The following C2 variants were observed in gnomAD, a reference collection of about 807,000 sequenced individuals.
C2 encodes the protein C3/C5 convertase.
A neutral mutation model predicts 85.2 loss-of-function variants in C2; 64 were observed. The ratio of observed to expected loss-of-function variants is 0.75; its 90% CI spans 0.61 to 0.92. C2 has a LOEUF of 0.92. Ranked by LOEUF, C2 falls within the 40% of genes least tolerant of loss-of-function variation. The pLI is 0.00. For synonymous variants in C2, 311 were observed against 370.8 expected (o/e 0.84, Z 1.85); for missense variants, 820 against 971.6 (o/e 0.84, Z 2.07).
Position 31,944,372 on chromosome 6 carries a change from G to A in C2, c.1902+146G>A. ...TCACAAACCTGCTAGGTGTCCCTGG[G>A]TCTGCTTATTCTTTTTTTGTTGTTA... On this transcript the variant is annotated intron_variant, in intron 15 of 17. Coordinates refer to ENST00000299367, the MANE Select transcript of C2 (RefSeq NM_000063.6). The surrounding 1 kb of genome is among the most constrained non-coding windows in gnomAD (Gnocchi z 5.1). 1.4e-6 allele frequency: 1 copy of A among 697,252 alleles called. No homozygotes were observed. The highest frequency in any genetic ancestry group is 2.6e-6 in the Non-Finnish European group (1 of 386,024). The allele number at this position is 697,252 out of a possible 1,614,324, so 43.2% of individuals were successfully genotyped here.
chr6:31,911,260 C>T (rs1768078709), intron 1 of C2, among the ~76,000 whole-genome samples: 1 of 151,882 alleles, frequency 6.6e-6, no homozygotes, highest in Non-Finnish European at 1.5e-5. Context: ...GATGGCGCCA[C>T]TGCACTCCAG....
Position 31,933,961 on chromosome 6 carries a change from A to C in C2, c.711A>C (p.Thr237=). Residue 237 remains threonine, a synonymous_variant, in exon 5 of 18, where the codon ACA becomes ACC. Transcript: ENST00000299367. ...MLGATNPTQK[T]KESLGRKIQI... is the part of the protein sequence containing the mutation. ...GGGCCACCAATCCCACCCAGAAGAC[A>C]AAGGGTGAGTGTTTGAGGTGGGGTT... 3 of 1,612,678 alleles carry C rather than the reference A, an allele frequency of 1.9e-6. No individual in the cohort carries two copies. In the South Asian group the frequency reaches 3.3e-5, roughly 18 times the overall value.
chr6:31,902,901 A>G (rs1347393893), intron 1 of C2, among the ~76,000 whole-genome samples: 1 of 152,204 alleles, frequency 6.6e-6, no homozygotes. Flanking sequence ...TTATGTTAGT[A>G]TGATTCTACT....
At position 31,937,322 on chromosome 6, in the gene C2, A is replaced by G. The variant is rs1474958669; in HGVS notation, c.992A>G (p.His331Arg). Residue 331 changes from histidine to arginine, a missense_variant, in exon 8 of 18, where the codon CAT becomes CGT. Physicochemically the swap from His to Arg is conservative, Grantham distance 29 (BLOSUM62 0). Coordinates refer to ENST00000299367, the MANE Select transcript of C2 (RefSeq NM_000063.6). Reference sequence around the variant, plus strand: ...CCTTCCTTTTGGCATATTCCAGATCATGAAAATGGAACTGGGACTAACACC... The same window carrying G: ...CCTTCCTTTTGGCATATTCCAGATCGTGAAAATGGAACTGGGACTAACACC... ...SSLENANYKD[H>R]ENGTGTNTYA... is the part of the protein sequence containing the mutation. The G allele has an allele frequency of 1.9e-6, 3 of 1,612,962 alleles. No homozygotes were observed. Among genetic ancestry groups the G allele is most frequent in the Admixed American group, 1.7e-5 (1 of 60,002 alleles).
At chr6:31,936,935 G>A (rs1470093394) in intron 7 of C2, 2 of 223,380 alleles carry the variant, frequency 9.0e-6, no homozygotes, top group Non-Finnish European at 1.8e-5. Context: ...TCCAGGCCGG[G>A]TGCAGTGGCT....
At position 31,943,109 on chromosome 6, in the gene C2, C is replaced by T; in HGVS notation, c.1360+10C>T. The T allele has an allele frequency of 1.9e-6, 3 of 1,612,978 alleles. No homozygotes were observed. The highest frequency in any genetic ancestry group is 2.2e-5 in the East Asian group (1 of 44,880). On this transcript the variant is annotated intron_variant, in intron 10 of 17. Coordinates refer to ENST00000299367, the MANE Select transcript of C2 (RefSeq NM_000063.6). This position sits in a 1 kb window ranked among gnomAD's most constrained non-coding sequence, Gnocchi z 6.4. ...TTTGAACATATGCTGGGTGAGTGAG[C>T]TTTGCCCTCCTTGGTGTGGGGAGGA...
Position 31,927,803 on chromosome 6 carries a change from G to A in C2, c.46+5G>A. On this transcript the variant is annotated splice_donor_5th_base_variant and intron_variant, in intron 1 of 17. Transcript: ENST00000299367. The surrounding 1 kb of genome is among the most constrained non-coding windows in gnomAD (Gnocchi z 4.7). ...GCCTGCTGTTCCTGTACCCAGGTAGGAGGCAGGGAAGGGGGAACGTCAGGG... is the reference window on the plus strand; with the variant it reads ...GCCTGCTGTTCCTGTACCCAGGTAGAAGGCAGGGAAGGGGGAACGTCAGGG... 1 of 1,613,860 alleles carries A rather than the reference G, an allele frequency of 6.2e-7. No individual in the cohort carries two copies. The highest frequency in any genetic ancestry group is 8.5e-7 in the Non-Finnish European group (1 of 1,179,820).
upstream of C2, among the ~76,000 whole-genome samples, chr6:31,927,017 T>G (rs1326536189): frequency 1.3e-5 from 2 of 152,334 alleles, no homozygotes; most frequent in East Asian, 3.9e-4. The surrounding 1 kb of genome is among the most constrained non-coding windows in gnomAD (Gnocchi z 4.7). Flanking sequence ...CAAATGTATT[T>G]ACTTTGCCAG....
Position 31,921,777 on chromosome 6 carries a change from C to T in C2, c.-100+1751C>T, listed in dbSNP as rs1768988588. 6.6e-6 allele frequency among the ~76,000 whole-genome samples: 1 copy of T among 152,162 alleles called. No individual in the cohort carries two copies. The highest frequency in any genetic ancestry group is 6.5e-5 in the Admixed American group (1 of 15,282). On this transcript the variant is annotated intron_variant, in intron 1 of 3. Transcript: ENST00000413154. The surrounding 1 kb of genome is among the most constrained non-coding windows in gnomAD (Gnocchi z 4.6). Reference sequence around the variant, plus strand: ...TACATTTAAGACTTAAAAATACTGTCTGGCACTATGTCCTGCTAATATGAA... The same window carrying T: ...TACATTTAAGACTTAAAAATACTGTTTGGCACTATGTCCTGCTAATATGAA...
chr6:31,926,611 C>T (rs568222503), upstream of C2, among the ~76,000 whole-genome samples: 79 of 151,696 alleles, frequency 5.2e-4, no homozygotes, highest in South Asian at 0.013. Context: ...GGATTACAGG[C>T]GTGAGTCACT....
intron 3 of C2, among the ~76,000 whole-genome samples, chr6:31,930,103 C>CGGAA (rs1408868253): frequency 6.8e-6 from 1 of 146,582 alleles, no homozygotes; most frequent in Non-Finnish European, 1.5e-5. Context: ...TTTTTTGAGA[C>CGGAA]GGAGTCTAGC....
In C2 at chr6:31,920,862, G is replaced by A. The variant is rs1416520599; in HGVS notation, c.-100+836G>A. 6.6e-6 allele frequency among the ~76,000 whole-genome samples: 1 copy of A among 152,190 alleles called. No individual in the cohort carries two copies. The highest frequency in any genetic ancestry group is 1.5e-5 in the Non-Finnish European group (1 of 68,030). Reference sequence around the variant, plus strand: ...CATTCTCAGGAATTGTTTGTGCAATGGATGGACAAGGACAGGAGGTTCAGT... The same window carrying A: ...CATTCTCAGGAATTGTTTGTGCAATAGATGGACAAGGACAGGAGGTTCAGT... On this transcript the variant is annotated intron_variant, in intron 1 of 3. Coordinates refer to the C2 transcript ENST00000413154. The surrounding 1 kb of genome is among the most constrained non-coding windows in gnomAD (Gnocchi z 5.6).
upstream of C2, among the ~76,000 whole-genome samples, chr6:31,923,710 C>G (rs667340): frequency 0.073 from 10,971 of 151,194 alleles, 432 homozygotes; most frequent in African/African-American, 0.11. Context: ...AGGATGGTCT[C>G]GATCTCCTGA....
At chr6:31,929,918 A>C (rs1475301017) in intron 3 of C2, among the ~76,000 whole-genome samples, 2 of 149,898 alleles carry the variant, frequency 1.3e-5, no homozygotes, top group African/African-American at 4.9e-5. Flanking sequence ...AGGCTGAGGC[A>C]GGAGAATCAC....
chr6:31,913,123 T>C (rs1023417673), intron 1 of C2, among the ~76,000 whole-genome samples: 6 of 152,016 alleles, frequency 3.9e-5, no homozygotes, highest in Admixed American at 2.6e-4. Flanking sequence ...TTATTATTTA[T>C]CTTAATGAGA....
At chr6:31,942,856 T>G in intron 9 of C2, 103 bp from the exon 10 acceptor site, 1 of 1,441,950 alleles carries the variant, frequency 6.9e-7, no homozygotes, top group Non-Finnish European at 9.7e-7. Context: ...GTCCAGCTCA[T>G]GTAGGTCTTG....
intron 9 of C2, 82 bp downstream of exon 9, chr6:31,939,402 G>C: frequency 9.3e-7 from 1 of 1,078,394 alleles, no homozygotes; most frequent in South Asian, 1.2e-5. Context: ...CAGCATCTTA[G>C]CTATGGTCCA....
In C2 at chr6:31,928,854, C is replaced by A; in HGVS notation, c.379C>A (p.Pro127Thr). 1 of 1,614,222 alleles carries A rather than the reference C, an allele frequency of 6.2e-7. No homozygotes were observed. The highest frequency in any genetic ancestry group is 8.5e-7 in the Non-Finnish European group (1 of 1,180,042). Residue 127 changes from proline to threonine, a missense_variant, in exon 3 of 18, where the codon CCT (proline) becomes ACT (threonine). Physicochemically the swap from Pro to Thr is conservative, Grantham distance 38 (BLOSUM62 -1). Coordinates refer to ENST00000299367, the MANE Select transcript of C2 (RefSeq NM_000063.6). ...CEDGFILRGS[P>T]VRQCRPNGMW... Reference sequence around the variant, plus strand: ...GGATGGCTTCATATTGCGGGGCTCGCCTGTGCGTCAGTGTCGCCCCAACGG... The same window carrying A: ...GGATGGCTTCATATTGCGGGGCTCGACTGTGCGTCAGTGTCGCCCCAACGG...
In C2 at chr6:31,920,571, TG is replaced by T. The variant is rs1159141879; in HGVS notation, c.-100+548del. Among the ~76,000 whole-genome samples the T allele has an allele frequency of 1.3e-5, 2 of 152,058 alleles. No individual in the cohort carries two copies. The highest frequency in any genetic ancestry group is 4.8e-5 in the African/African-American group (2 of 41,406). On this transcript the variant is annotated intron_variant, in intron 1 of 3. Transcript: ENST00000413154. The surrounding 1 kb of genome is among the most constrained non-coding windows in gnomAD (Gnocchi z 5.6). The stretch of plus-strand genomic sequence containing the variant: ...GAGTTGTGTTTACCACCCTCTTACC[TG>T]GGTTACCCAGGGCAGCTCCCCTGAT...
Sources: allele counts gnomAD v4.1 joint callset (sites outside exome capture counted in the v4.1 genomes callset), GRCh38; gene constraint gnomAD v4.1.1; non-coding constraint Gnocchi (gnomAD v3.1); transcripts MANE v1.5; gene names NCBI Gene and HGNC (gene_info 2026-07-23, HGNC 2026-07-21).